The following KIF21A variants were observed in gnomAD, a reference collection of about 807,000 sequenced individuals.
The protein encoded by KIF21A is kinesin family member 21A.
A neutral mutation model predicts 202.9 loss-of-function variants in KIF21A; 114 were observed. The observed-to-expected ratio is 0.56, with a 90% CI of 0.48 to 0.66. The LOEUF (loss-of-function observed/expected upper bound fraction) is 0.66, where lower values mean the gene tolerates loss of function less well. Ranked by LOEUF, KIF21A falls within the 30% of genes least tolerant of loss-of-function variation. The pLI is 0.00. For missense variants in KIF21A, 1,677 were observed against 1,994.9 expected (o/e 0.84, Z 3.04); for synonymous variants, 667 against 670.8 (o/e 0.99, Z 0.09).
intron 16 of KIF21A, 105 bp from the exon 17 acceptor site, chr12:39,337,308 T>C (rs1204968771): frequency 5.3e-6 from 4 of 759,082 alleles, no homozygotes; most frequent in African/African-American, 5.1e-5. Flanking sequence ...ATACTTAACA[T>C]GGAAACATGC....
At chr12:39,400,702 A>G (rs1952105065) in intron 1 of KIF21A, among the ~76,000 whole-genome samples, 1 of 152,216 alleles carries the variant, frequency 6.6e-6, no homozygotes, top group African/African-American at 2.4e-5. Flanking sequence ...TAATTCCAGT[A>G]ATGTGCTGAT....
intron 5 of KIF21A, 82 bp downstream of exon 5, chr12:39,366,948 G>A: frequency 7.5e-7 from 1 of 1,326,740 alleles, no homozygotes. Flanking sequence ...ACTGAATTTG[G>A]CTCAAATATA....
At chr12:39,307,970 T>A (rs1203049500) in intron 33 of KIF21A, among the ~76,000 whole-genome samples, 1 of 152,144 alleles carries the variant, frequency 6.6e-6, no homozygotes, top group East Asian at 1.9e-4. Flanking sequence ...GATTACATGG[T>A]TTAAAACTCT....
rs1300196237 is a variant in KIF21A at position 39,307,607 on chromosome 12, T to C, written c.4400A>G (p.Tyr1467Cys). 2.5e-6 allele frequency: 4 copies of C among 1,614,146 alleles called. 1 individual carries two copies. In the South Asian group the frequency reaches 3.3e-5, roughly 13 times the overall value. Reference protein sequence around the residue: ...IALNPTGTFLYAASGNAVRMW... With the variant: ...IALNPTGTFLCAASGNAVRMW... ...CCTGACAGCATTTCCAGAAGCAGCATAGAGGAAGGTGCCAGTTGGGTTTAG... is the reference window on the plus strand; with the variant it reads ...CCTGACAGCATTTCCAGAAGCAGCACAGAGGAAGGTGCCAGTTGGGTTTAG... The change falls in exon 34 of 38, where the codon TAT (tyrosine) becomes TGT (cysteine). Residue 1467 changes from tyrosine (Y) to cysteine (C), a missense_variant. Coordinates refer to ENST00000361418, the MANE Select transcript of KIF21A (RefSeq NM_001173464.2).
At chr12:39,382,476 C>G (rs1950673899) in intron 1 of KIF21A, among the ~76,000 whole-genome samples, 1 of 151,982 alleles carries the variant, frequency 6.6e-6, no homozygotes, top group Non-Finnish European at 1.5e-5. Context: ...AAACATGAGT[C>G]ATGTTTGAAA....
intron 35 of KIF21A, among the ~76,000 whole-genome samples, chr12:39,303,798 C>T (rs923770205): frequency 2.0e-5 from 3 of 152,152 alleles, no homozygotes; most frequent in Non-Finnish European, 2.9e-5. Context: ...TGTTCAAAAT[C>T]GTTTCACTTT....
chr12:39,363,086 A>C lies in KIF21A; in HGVS notation c.1019+12T>G. The C allele has an allele frequency of 7.0e-7, 1 of 1,418,578 alleles. No homozygotes were observed. The highest frequency in any genetic ancestry group is 1.0e-6 in the Non-Finnish European group (1 of 1,001,840). The allele number at this position is 1,418,578 out of a possible 1,614,324, so 87.9% of individuals were successfully genotyped here. A position where few individuals can be genotyped will look rare whatever the true frequency, so the allele number is the denominator to read the frequency against. The stretch of plus-strand genomic sequence containing the variant: ...TCAAAAGTCTGAGTAGAGGATAATC[A>C]TCTATGCATACCTATTACCCCCGAG... On this transcript the variant is annotated intron_variant, in intron 7 of 37. Coordinates refer to ENST00000361418, the MANE Select transcript of KIF21A (RefSeq NM_001173464.2).
chr12:39,347,742 A>C (rs1948023365), intron 11 of KIF21A, among the ~76,000 whole-genome samples: 1 of 152,020 alleles, frequency 6.6e-6, no homozygotes, highest in South Asian at 2.1e-4. Flanking sequence ...AAGCAAAGTA[A>C]AGCCACTGCC....
chr12:39,317,201 T>C (rs1168838239), intron 29 of KIF21A, among the ~76,000 whole-genome samples: 1 of 152,198 alleles, frequency 6.6e-6, no homozygotes, highest in Non-Finnish European at 1.5e-5. Flanking sequence ...ATTAAGTATA[T>C]TTATAATTCT....
At chr12:39,347,051 T>TA (rs1404550905) in intron 11 of KIF21A, among the ~76,000 whole-genome samples, 1 of 151,598 alleles carries the variant, frequency 6.6e-6, no homozygotes, top group African/African-American at 2.4e-5. Flanking sequence ...TCAATAAATC[T>TA]AAAAAAAATC....
chr12:39,381,098 G>T (rs1469159955), intron 1 of KIF21A, among the ~76,000 whole-genome samples: 1 of 152,020 alleles, frequency 6.6e-6, no homozygotes, highest in East Asian at 1.9e-4. Context: ...GAGGTCAGGA[G>T]ATCGCAACCA....
rs984506660 is a variant in KIF21A, at chr12:39,299,544, C to T, written c.4931+1936G>A. 6.6e-5 allele frequency among the ~76,000 whole-genome samples: 10 copies of T among 152,078 alleles called. No individual in the cohort carries two copies. In the East Asian group the frequency reaches 1.5e-3, roughly 23 times the overall value. On this transcript the variant is annotated intron_variant, in intron 37 of 37. Transcript: ENST00000361418. ...TCAACCATTGTGGAAAGCAGTGTGG[C>T]AATTCCTCAAAGAGCTAAAAACAGA...
chr12:39,342,047 T>C lies in KIF21A; in HGVS notation c.1790A>G (p.Asn597Ser), dbSNP rs751656519. The change falls in exon 13 of 38, where the codon AAT becomes AGT. Residue 597 changes from asparagine (N) to serine (S), a missense_variant. By Grantham distance (46) the Asn-to-Ser change is conservative. Coordinates refer to ENST00000361418, the MANE Select transcript of KIF21A (RefSeq NM_001173464.2). ...TTTCATACTTACCACTTCTAATTCA[T>C]TGTTTTCTCTTTCCGAAACACCCTT... ...EEKGVSEREN[N>S]ELEVEESQEV... 21 of 1,607,586 alleles carry C rather than the reference T, an allele frequency of 1.3e-5. No individual in the cohort carries two copies. The South Asian group carries it at 2.1e-4, about 16-fold the overall frequency.
chr12:39,433,365 A>G (rs1938224807), intron 1 of KIF21A, among the ~76,000 whole-genome samples: 1 of 152,162 alleles, frequency 6.6e-6, no homozygotes, highest in African/African-American at 2.4e-5. Context: ...CAGAAAAAAA[A>G]AAATTTATCA....
intron 35 of KIF21A, among the ~76,000 whole-genome samples, chr12:39,303,688 A>G (rs1284777666): frequency 6.6e-6 from 1 of 152,168 alleles, no homozygotes; most frequent in African/African-American, 2.4e-5. Flanking sequence ...AATATTACAT[A>G]TCAATCCAGT....
intron 1 of KIF21A, among the ~76,000 whole-genome samples, chr12:39,379,571 T>C (rs566402321): frequency 3.9e-5 from 6 of 152,300 alleles, no homozygotes; most frequent in Non-Finnish European, 7.4e-5. Context: ...GGGAGACTGA[T>C]GTCCATGGGC....
Position 39,340,998 on chromosome 12 carries a change from G to C in KIF21A, c.2018C>G (p.Thr673Ser). ...CTTCTCTTCATACTGCTTTTTCAGA[G>C]TCTGCAGTCTTTTCTGGCTGTTTTC... ...ELENSQKRLQ[T>S]LKKQYEEKLM... is the part of the protein sequence containing the mutation. Residue 673 changes from threonine to serine, a missense_variant, in exon 15 of 38, where the codon ACT becomes AGT. This residue lies in a region of KIF21A where 966 missense variants were observed against 1,180.9 expected (regional missense o/e 0.82). Transcript: ENST00000361418. 3 of 1,612,702 alleles carry C rather than the reference G, an allele frequency of 1.9e-6. No homozygotes were observed. The highest frequency in any genetic ancestry group is 2.5e-6 in the Non-Finnish European group (3 of 1,179,130).
At chr12:39,329,944 A>T in intron 24 of KIF21A, 1 of 300,306 alleles carries the variant, frequency 3.3e-6, no homozygotes, top group Non-Finnish European at 6.2e-6. Context: ...ATGTTTTTCT[A>T]TAAGGAAGAG....
chr12:39,368,175 G>A, intron 3 of KIF21A, 143 bp from the exon 4 acceptor site: 1 of 606,840 alleles, frequency 1.6e-6, no homozygotes, highest in South Asian at 2.0e-5. Context: ...ACATTAAAAT[G>A]AATGAGGCTA....
Sources: allele counts gnomAD v4.1 joint callset (sites outside exome capture counted in the v4.1 genomes callset), GRCh38; gene constraint gnomAD v4.1.1; regional missense constraint gnomAD v4.1.1; transcripts MANE v1.5; gene names NCBI Gene and HGNC (gene_info 2026-07-23, HGNC 2026-07-21).